The following WWOX variants were observed in gnomAD, a reference collection of about 807,000 sequenced individuals.
The protein encoded by WWOX is WW domain-containing oxidoreductase.
WWOX carries 69 observed loss-of-function variants against 46.2 expected under a neutral mutation model. The ratio of observed to expected loss-of-function variants is 1.49; its 90% CI spans 1.23 to 1.82. The LOEUF is 1.82. WWOX is among the 40% of genes most tolerant of loss of function. The probability of loss-of-function intolerance (pLI) is 0.00; values close to 1 mark genes in which losing one functional copy is unlikely to be tolerated. For synonymous variants in WWOX, 359 were observed against 202.6 expected (o/e 1.77, Z -6.56); for missense variants, 919 against 542.6 (o/e 1.69, Z -6.89).
intron 8 of WWOX, among the ~76,000 whole-genome samples, chr16:79,171,186 G>C (rs1397224735): frequency 6.6e-6 from 1 of 152,170 alleles, no homozygotes; most frequent in Non-Finnish European, 1.5e-5. Context: ...CATAGCGACA[G>C]ATAATTACAA....
rs572086570 is a variant in WWOX, at chr16:78,782,920, GC to G, written c.1056+350169del. Among the ~76,000 whole-genome samples, 14 of 152,134 alleles carry G rather than the reference GC, an allele frequency of 9.2e-5. No homozygotes were observed. In the East Asian group the frequency reaches 2.7e-3, roughly 29 times the overall value. On this transcript the variant is annotated intron_variant, in intron 8 of 8. Coordinates refer to ENST00000566780, the MANE Select transcript of WWOX (RefSeq NM_016373.4). ...GTATTGTTTTATATCTATTACAAAG[GC>G]TCTTTTGACTTAGGCATAGATTTCT...
chr16:78,331,826 TTTAA>T (rs2080764616), intron 5 of WWOX, among the ~76,000 whole-genome samples: 1 of 128,798 alleles, frequency 7.8e-6, no homozygotes, highest in East Asian at 3.6e-4. Flanking sequence ...CATTGCTTTA[TTTAA>T]TTCTTCCAAC....
At chr16:78,769,867 A>T (rs958437610) in intron 8 of WWOX, among the ~76,000 whole-genome samples, 38 of 151,526 alleles carry the variant, frequency 2.5e-4, no homozygotes, top group African/African-American at 8.9e-4. Flanking sequence ...TAAAATAAAA[A>T]AATAAAAATA....
intron 8 of WWOX, among the ~76,000 whole-genome samples, chr16:78,819,630 A>C (rs760887051): frequency 6.6e-6 from 1 of 152,186 alleles, no homozygotes; most frequent in Non-Finnish European, 1.5e-5. Flanking sequence ...CCTGTTGTAC[A>C]CTGTCCCTTC....
chr16:78,099,924 C>T, intron 1 of WWOX, 39 bp downstream of exon 1: 2 of 1,545,658 alleles, frequency 1.3e-6, no homozygotes, highest in South Asian at 1.2e-5. Flanking sequence ...GCACCTGGGA[C>T]CCTGCACAGC....
chr16:78,265,671 T>C (rs2079346990), intron 5 of WWOX, among the ~76,000 whole-genome samples: 1 of 116,514 alleles, frequency 8.6e-6, no homozygotes, highest in Admixed American at 8.7e-5. Flanking sequence ...AGAGCGAAAC[T>C]CCATGTCAAA....
chr16:78,511,218 C>T (rs765505490), intron 8 of WWOX, among the ~76,000 whole-genome samples: 3 of 152,140 alleles, frequency 2.0e-5, no homozygotes, highest in Non-Finnish European at 4.4e-5. Context: ...AGCTGGTTAC[C>T]TCCCCCTCCC....
At chr16:78,356,087 A>G (rs933699215) in intron 5 of WWOX, among the ~76,000 whole-genome samples, 1 of 79,722 alleles carries the variant, frequency 1.3e-5, no homozygotes, top group Non-Finnish European at 2.8e-5. Context: ...AAAAAAAAAA[A>G]AAAAAAGAAG....
intron 8 of WWOX, among the ~76,000 whole-genome samples, chr16:78,869,197 G>T (rs918908771): frequency 2.6e-5 from 4 of 152,100 alleles, no homozygotes; most frequent in African/African-American, 9.7e-5. Flanking sequence ...CATGTTCTGT[G>T]GACTCTGTGG....
intron 8 of WWOX, among the ~76,000 whole-genome samples, chr16:79,013,305 T>A (rs2047349703): frequency 6.6e-6 from 1 of 152,060 alleles, no homozygotes; most frequent in Admixed American, 6.5e-5. Flanking sequence ...TGCGCTCTGA[T>A]CTGCCAGCAG....
rs1322912837 is a variant in WWOX at position 78,100,568 on chromosome 16, G to C, written c.107+683G>C. On this transcript the variant is annotated intron_variant, in intron 1 of 8. Coordinates refer to ENST00000566780, the MANE Select transcript of WWOX (RefSeq NM_016373.4). ...GCCTAGCCAGGAGTATTTTTTAGTA[G>C]CAGTCCTAGATAGCTTCACTATCAT... 5.3e-5 allele frequency among the ~76,000 whole-genome samples: 8 copies of C among 152,318 alleles called. 1 individual carries two copies. The highest frequency in any genetic ancestry group is 1.7e-4 in the African/African-American group (7 of 41,578).
intron 8 of WWOX, among the ~76,000 whole-genome samples, chr16:78,912,203 G>A (rs530859217): frequency 2.6e-4 from 40 of 152,008 alleles, no homozygotes; most frequent in Non-Finnish European, 5.1e-4. Flanking sequence ...TTATTTATAG[G>A]AACTGAACAA....
intron 8 of WWOX, among the ~76,000 whole-genome samples, chr16:78,854,395 A>G (rs183705557): frequency 2.7e-4 from 41 of 152,348 alleles, no homozygotes; most frequent in Admixed American, 5.9e-4. Context: ...ATCATGAAAC[A>G]CATTCTAATT....
At chr16:78,183,979 T>G (rs552743463) in intron 5 of WWOX, among the ~76,000 whole-genome samples, 1 of 152,248 alleles carries the variant, frequency 6.6e-6, no homozygotes, top group East Asian at 1.9e-4. Context: ...ACAAACACTT[T>G]GGGCAGGCTT....
intron 8 of WWOX, among the ~76,000 whole-genome samples, chr16:78,756,097 A>G (rs1221321618): frequency 6.6e-6 from 1 of 152,192 alleles, no homozygotes; most frequent in African/African-American, 2.4e-5. Context: ...GAAAAAGGGA[A>G]GAATGATGGA....
At chr16:78,509,503 G>T (rs570952247) in intron 8 of WWOX, among the ~76,000 whole-genome samples, 1 of 151,734 alleles carries the variant, frequency 6.6e-6, no homozygotes, top group East Asian at 1.9e-4. Flanking sequence ...CCATTTTACC[G>T]CATGTGACTA....
At chr16:78,353,584 C>A (rs148947264) in intron 5 of WWOX, among the ~76,000 whole-genome samples, 20 of 152,280 alleles carry the variant, frequency 1.3e-4, no homozygotes, top group African/African-American at 4.8e-4. Flanking sequence ...TGGTATTCAC[C>A]AAGGAATTTA....
intron 8 of WWOX, among the ~76,000 whole-genome samples, chr16:78,983,258 G>C (rs978505063): frequency 6.6e-6 from 1 of 152,170 alleles, no homozygotes; most frequent in Non-Finnish European, 1.5e-5. Context: ...GAAAACCTAA[G>C]CTGAAGAAAG....
At chr16:78,230,724 A>G (rs2037233775) in intron 5 of WWOX, among the ~76,000 whole-genome samples, 1 of 152,200 alleles carries the variant, frequency 6.6e-6, no homozygotes, top group Non-Finnish European at 1.5e-5. Flanking sequence ...GTGAAAGGGA[A>G]GGCAAATTCA....
Sources: gnomAD v4.1 joint callset for allele counts (sites outside exome capture counted in the v4.1 genomes callset) on GRCh38, gnomAD v4.1.1 for gene constraint, MANE v1.5 for transcripts, NCBI Gene and HGNC (gene_info 2026-07-23, HGNC 2026-07-21) for gene names.